The following DYNC1I1 variants were observed in gnomAD, a reference collection of about 807,000 sequenced individuals.
DYNC1I1 encodes the protein cytoplasmic dynein 1 intermediate chain 1.
DYNC1I1 carries 43 observed loss-of-function variants against 86.6 expected under a neutral mutation model. The observed-to-expected ratio is 0.50, with a 90% CI of 0.39 to 0.64. The LOEUF (loss-of-function observed/expected upper bound fraction) is 0.64. Among genes scored for constraint, DYNC1I1 ranks in the 30% least tolerant of loss-of-function variants. The pLI, the probability that DYNC1I1 is intolerant of heterozygous loss-of-function variation, is 0.00. For missense variants in DYNC1I1, 604 were observed against 788.8 expected (o/e 0.77, Z 2.81); for synonymous variants, 262 against 283.7 (o/e 0.92, Z 0.77).
At chr7:95,954,379 G>T (rs1159913998) in intron 6 of DYNC1I1, among the ~76,000 whole-genome samples, 2 of 151,702 alleles carry the variant, frequency 1.3e-5, no homozygotes, top group African/African-American at 4.9e-5. Flanking sequence ...GTGCCCAGTT[G>T]CCACGTGTGC....
chr7:95,783,300 G>A (rs189162069), intron 1 of DYNC1I1, among the ~76,000 whole-genome samples: 516 of 152,246 alleles, frequency 3.4e-3, no homozygotes, highest in Non-Finnish European at 5.0e-3. Context: ...ATGAATAAAA[G>A]AAATACATAT....
At chr7:96,042,002 A>T (rs758898328) in intron 14 of DYNC1I1, among the ~76,000 whole-genome samples, 2 of 152,188 alleles carry the variant, frequency 1.3e-5, no homozygotes, top group Non-Finnish European at 2.9e-5. Flanking sequence ...AAAATCTTAC[A>T]TGAAAGAATG....
In DYNC1I1 at chr7:96,106,851, A is replaced by G. The variant is rs1207338071; in HGVS notation, c.1543-3128A>G. Among the ~76,000 whole-genome samples, 5 of 152,308 alleles carry G rather than the reference A, an allele frequency of 3.3e-5. No homozygotes were observed. In the East Asian group the frequency reaches 9.6e-4, roughly 29 times the overall value. ...TCTTTTATGACTTAGCATATGGTCA[A>G]CTTGCTAAATATTCCATGCGTACTT... On this transcript the variant is annotated intron_variant, in intron 16 of 16. Coordinates refer to the DYNC1I1 transcript ENST00000537881.
At chr7:95,822,699 C>T (rs1439178209) in intron 4 of DYNC1I1, among the ~76,000 whole-genome samples, 2 of 152,120 alleles carry the variant, frequency 1.3e-5, no homozygotes, top group Non-Finnish European at 2.9e-5. Flanking sequence ...CTAGACAGAA[C>T]CTCAGAAAGT....
At position 95,927,660 on chromosome 7, in the gene DYNC1I1, A is replaced by G. The variant is rs114083196; in HGVS notation, c.491-49852A>G. On this transcript the variant is annotated intron_variant, in intron 6 of 16. Transcript: ENST00000447467. ...GAGCAAATGATAACATGAAACATTAACAATAGTTGAGTGTGGGGGTAAAGG... is the reference window on the plus strand; with the variant it reads ...GAGCAAATGATAACATGAAACATTAGCAATAGTTGAGTGTGGGGGTAAAGG... 7.5e-3 allele frequency among the ~76,000 whole-genome samples: 1,136 copies of G among 152,238 alleles called. 22 individuals are homozygous for G. The highest frequency in any genetic ancestry group is 0.026 in the African/African-American group (1,085 of 41,526).
At chr7:96,004,001 TA>T (rs1174175211) in intron 10 of DYNC1I1, among the ~76,000 whole-genome samples, 1 of 152,216 alleles carries the variant, frequency 6.6e-6, no homozygotes, top group African/African-American at 2.4e-5. Flanking sequence ...AATAAATAAA[TA>T]ATGTGATTCT....
rs191407114 is a variant in DYNC1I1 at position 95,944,739 on chromosome 7, T to A, written c.491-32773T>A. Among the ~76,000 whole-genome samples, 450 of 152,022 alleles carry A rather than the reference T, an allele frequency of 3.0e-3. 6 individuals are homozygous for A. Among genetic ancestry groups the A allele is most frequent in the African/African-American group, 0.01 (425 of 41,440 alleles). ...TCCTTTGGTGGGACATGGATGAAAT[T>A]GGAAATCATCATTCTCAGTAAACTA... On this transcript the variant is annotated intron_variant, in intron 6 of 16. Coordinates refer to ENST00000447467, the MANE Select transcript of DYNC1I1 (RefSeq NM_001135556.2).
chr7:95,848,761 A>C (rs954031981), intron 5 of DYNC1I1, among the ~76,000 whole-genome samples: 1 of 152,096 alleles, frequency 6.6e-6, no homozygotes, highest in African/African-American at 2.4e-5. Context: ...GGATTGCTGG[A>C]TCATACAGAA....
rs894175131 is a variant in DYNC1I1 at position 96,064,927 on chromosome 7, C to CA, written c.1510-11119dup. 3.8e-3 allele frequency among the ~76,000 whole-genome samples: 508 copies of CA among 135,140 alleles called. 2 individuals carry two copies. The highest frequency in any genetic ancestry group is 9.3e-3 in the African/African-American group (340 of 36,730). 88.7% of individuals were successfully genotyped at this position (135,140 alleles called of 152,430 possible). A position where few individuals can be genotyped will look rare whatever the true frequency, so the allele number is the denominator to read the frequency against. ...AAATGGACAGTGGGTGGTCTTAAGGCAAAAAAAAAAAGGCAGCCCTAGACA... is the reference window on the plus strand; with the variant it reads ...AAATGGACAGTGGGTGGTCTTAAGGCAAAAAAAAAAAAGGCAGCCCTAGACA... On this transcript the variant is annotated intron_variant, in intron 14 of 16. Transcript: ENST00000447467.
chr7:96,047,095 G>A (rs911213439), intron 14 of DYNC1I1, among the ~76,000 whole-genome samples: 1 of 152,078 alleles, frequency 6.6e-6, no homozygotes, highest in African/African-American at 2.4e-5. Context: ...CCTCATAGAT[G>A]GTGCTTTCTT....
At chr7:95,825,382 G>C (rs1368482649) in intron 4 of DYNC1I1, among the ~76,000 whole-genome samples, 1 of 152,196 alleles carries the variant, frequency 6.6e-6, no homozygotes, top group Non-Finnish European at 1.5e-5. Context: ...AGGTCAAATA[G>C]TTGATCCTAC....
intron 6 of DYNC1I1, among the ~76,000 whole-genome samples, chr7:95,907,361 T>C (rs12538593): frequency 0.078 from 11,809 of 152,242 alleles, 731 homozygotes; most frequent in Admixed American, 0.22. Context: ...TGACCGTTTA[T>C]ATTTTGGGGG....
chr7:95,974,887 C>G (rs1793264135), intron 6 of DYNC1I1, among the ~76,000 whole-genome samples: 2 of 152,178 alleles, frequency 1.3e-5, no homozygotes, highest in African/African-American at 4.8e-5. Context: ...AGCCTCCTTA[C>G]CTTGCAATAG....
At chr7:95,838,224 G>A (rs1474515595) in intron 5 of DYNC1I1, among the ~76,000 whole-genome samples, 1 of 152,118 alleles carries the variant, frequency 6.6e-6, no homozygotes, top group Non-Finnish European at 1.5e-5. Context: ...ATGTATGTGT[G>A]TGATATAAAG....
chr7:95,977,687 A>G lies in DYNC1I1; in HGVS notation c.580+86A>G, dbSNP rs574134074. The G allele has an allele frequency of 1.5e-4, 188 of 1,283,438 alleles. No homozygotes were observed. In the South Asian group the frequency reaches 2.7e-3, roughly 19 times the overall value. The allele number at this position is 1,283,438 out of a possible 1,614,324, so 79.5% of individuals were successfully genotyped here. On this transcript the variant is annotated intron_variant, in intron 7 of 16. Coordinates refer to ENST00000447467, the MANE Select transcript of DYNC1I1 (RefSeq NM_001135556.2). ...AATATAAGAGACTATAGAGCTAAGT[A>G]AAAATTGAATTTGCATCCCCTATAT...
chr7:96,042,979 G>A (rs557702357), intron 14 of DYNC1I1, among the ~76,000 whole-genome samples: 42 of 152,062 alleles, frequency 2.8e-4, no homozygotes, highest in Non-Finnish European at 4.4e-4. Flanking sequence ...GCCCAACATA[G>A]TGAATGCTTA....
intron 2 of DYNC1I1, among the ~76,000 whole-genome samples, chr7:95,805,847 T>G (rs1369602594): frequency 6.6e-6 from 1 of 152,218 alleles, no homozygotes; most frequent in Non-Finnish European, 1.5e-5. Flanking sequence ...CTTATTTTGA[T>G]GCCTTACAAT....
intron 6 of DYNC1I1, among the ~76,000 whole-genome samples, chr7:95,951,794 T>C (rs1792566176): frequency 6.6e-6 from 1 of 152,212 alleles, no homozygotes; most frequent in Admixed American, 6.5e-5. Context: ...TGGTTTCTTG[T>C]GTAAGCTCAT....
intron 6 of DYNC1I1, among the ~76,000 whole-genome samples, chr7:95,945,489 C>T (rs944298352): frequency 6.6e-6 from 1 of 152,106 alleles, no homozygotes; most frequent in Admixed American, 6.5e-5. Flanking sequence ...TCCTTTAGAA[C>T]TAAGTGATAT....
Sources: gnomAD v4.1 joint callset for allele counts (sites outside exome capture counted in the v4.1 genomes callset) on GRCh38, gnomAD v4.1.1 for gene constraint, MANE v1.5 for transcripts, NCBI Gene and HGNC (gene_info 2026-07-23, HGNC 2026-07-21) for gene names.